The following TMC2 variants were observed in gnomAD, a reference collection of about 807,000 sequenced individuals.
TMC2 encodes the protein transmembrane channel like 2, also known as transmembrane channel-like protein 2.
TMC2 carries 102 observed loss-of-function variants against 105.9 expected under a neutral mutation model. The ratio of observed to expected loss-of-function variants is 0.96; its 90% CI spans 0.82 to 1.14. The LOEUF is 1.14. Ranked by LOEUF, TMC2 falls within the 50% of genes most tolerant of loss-of-function variation. TMC2 has a pLI of 0.00. For synonymous variants in TMC2, 402 were observed against 422.8 expected (o/e 0.95, Z 0.60); for missense variants, 1,093 against 1,134.3 (o/e 0.96, Z 0.52).
At chr20:2,540,201 A>G (rs1286113497) in intron 2 of TMC2, among the ~76,000 whole-genome samples, 1 of 151,236 alleles carries the variant, frequency 6.6e-6, no homozygotes, top group Admixed American at 6.6e-5. Flanking sequence ...CATCTTGGCC[A>G]GGCTGGTCTC....
At chr20:2,575,492 T>A (rs2122864911) in intron 5 of TMC2, among the ~76,000 whole-genome samples, 1 of 152,364 alleles carries the variant, frequency 6.6e-6, no homozygotes, top group African/African-American at 2.4e-5. Flanking sequence ...TAGGTTATTA[T>A]TCTTTCTTTA....
At chr20:2,591,761 G>GAAAAGA (rs1568516481) in intron 7 of TMC2, among the ~76,000 whole-genome samples, 1 of 151,454 alleles carries the variant, frequency 6.6e-6, no homozygotes, top group Admixed American at 6.6e-5. Flanking sequence ...AAAAGAAAAG[G>GAAAAGA]AAAGGAAAAG....
intron 17 of TMC2, among the ~76,000 whole-genome samples, chr20:2,635,012 G>A (rs1423597772): frequency 6.6e-6 from 1 of 152,224 alleles, no homozygotes; most frequent in Non-Finnish European, 1.5e-5. Context: ...GACCAAAGCT[G>A]GAGCAGCTGA....
At position 2,579,240 on chromosome 20, in the gene TMC2, G is replaced by A; in HGVS notation, c.727+13G>A. ...AAGGACATTGAAAGTGAGTATGCTG[G>A]TGTCACTGTTTTTTTAATTGGTTTC... On this transcript the variant is annotated intron_variant, in intron 6 of 19. Transcript: ENST00000358864. 3 of 1,527,632 alleles carry A rather than the reference G, an allele frequency of 2.0e-6. No individual in the cohort carries two copies. The highest frequency in any genetic ancestry group is 1.1e-5 in the South Asian group (1 of 89,330). 94.6% of individuals were successfully genotyped at this position (1,527,632 alleles called of 1,614,324 possible).
chr20:2,561,717 T>C lies in TMC2; in HGVS notation c.402-141T>C, dbSNP rs1201233272. ...TACAGGGTAGAATTTTGGCCTCCGC[T>C]GCCAGGCAATGGGAGTCACTAATGG... On this transcript the variant is annotated intron_variant, in intron 3 of 19. Coordinates refer to ENST00000358864, the MANE Select transcript of TMC2 (RefSeq NM_080751.3). The C allele has an allele frequency of 3.2e-5, 35 of 1,100,354 alleles. No homozygotes were observed. The South Asian group carries it at 4.4e-4, about 14-fold the overall frequency. The allele number at this position is 1,100,354 out of a possible 1,614,324, so 68.2% of individuals were successfully genotyped here. A position where few individuals can be genotyped will look rare whatever the true frequency, so the allele number is the denominator to read the frequency against.
chr20:2,612,401 T>C, intron 13 of TMC2, 61 bp downstream of exon 13: 2 of 1,391,750 alleles, frequency 1.4e-6, no homozygotes, highest in Middle Eastern at 2.1e-4. Flanking sequence ...TATTCCCTCC[T>C]TGATGTTTCC....
intron 4 of TMC2, 130 bp from the exon 5 acceptor site, chr20:2,572,049 T>C (rs1600106474): frequency 7.0e-6 from 5 of 715,420 alleles, no homozygotes; most frequent in South Asian, 1.8e-5. Context: ...CGTGCCTTCA[T>C]GGAATTTATA....
intron 1 of TMC2, 32 bp from the exon 2 acceptor site, chr20:2,537,237 C>T: frequency 6.3e-7 from 1 of 1,585,662 alleles, no homozygotes; most frequent in Non-Finnish European, 8.6e-7. Context: ...CACCAGAGGC[C>T]AGCCATTTGT....
intron 10 of TMC2, 62 bp from the exon 11 acceptor site, chr20:2,602,051 A>G: frequency 8.0e-7 from 1 of 1,254,422 alleles, no homozygotes; most frequent in Non-Finnish European, 1.1e-6. Context: ...CAGGGACCCA[A>G]CAGCCATGGT....
intron 10 of TMC2, among the ~76,000 whole-genome samples, chr20:2,598,642 A>T (rs897738024): frequency 2.0e-5 from 3 of 151,952 alleles, no homozygotes; most frequent in African/African-American, 7.3e-5. Context: ...TCCTGACCTC[A>T]AGTGATCTGC....
At position 2,536,779 on chromosome 20, in the gene TMC2, T is replaced by A. The variant is rs115157035; in HGVS notation, c.34+124T>A. On this transcript the variant is annotated intron_variant, in intron 1 of 19. Transcript: ENST00000358864. ...GAGCTGGGTTTGAGTCCAGGGCCTG[T>A]CCCCTGTGCGCTGAGCGACCTCGGC... is the stretch of plus-strand genomic sequence containing the variant. 4.0e-3 allele frequency: 4,184 copies of A among 1,042,022 alleles called. 112 individuals carry two copies. The African/African-American group carries it at 0.052, about 13-fold the overall frequency. The allele number at this position is 1,042,022 out of a possible 1,614,324, so 64.5% of individuals were successfully genotyped here.
At position 2,637,557 on chromosome 20, in the gene TMC2, C is replaced by T. The variant is rs1056392468; in HGVS notation, c.2469C>T (p.Ser823=). ...CAGAGGACACACCTAAAAGCAGCTCCAAAAATGCCACCCAGCTCCAACTCA... is the reference window on the plus strand; with the variant it reads ...CAGAGGACACACCTAAAAGCAGCTCTAAAAATGCCACCCAGCTCCAACTCA... ...RDSEDTPKSS[S]KNATQLQLTK... Residue 823 remains serine (S), a synonymous_variant, in exon 19 of 20, where the codon TCC becomes TCT. Coordinates refer to ENST00000358864, the MANE Select transcript of TMC2 (RefSeq NM_080751.3). The T allele has an allele frequency of 2.5e-5, 41 of 1,613,788 alleles. No individual in the cohort carries two copies. The highest frequency in any genetic ancestry group is 3.5e-5 in the Non-Finnish European group (41 of 1,179,928).
intron 9 of TMC2, 37 bp from the exon 10 acceptor site, chr20:2,597,114 G>T: frequency 6.3e-7 from 1 of 1,591,390 alleles, no homozygotes; most frequent in South Asian, 1.1e-5. Flanking sequence ...ACAGCAGAAA[G>T]AGGGCAGACG....
intron 7 of TMC2, among the ~76,000 whole-genome samples, chr20:2,584,375 C>T (rs1161493920): frequency 1.4e-4 from 19 of 138,222 alleles, no homozygotes; most frequent in South Asian, 4.4e-4. Flanking sequence ...ACCCGGGAGG[C>T]GGAGCTTGCA....
At chr20:2,589,562 T>C (rs6115073) in intron 7 of TMC2, among the ~76,000 whole-genome samples, 33,396 of 151,954 alleles carry the variant, frequency 0.22, 3,982 homozygotes, top group African/African-American at 0.31. Flanking sequence ...AATTTCTTTA[T>C]CTCCTGGATC....
intron 8 of TMC2, among the ~76,000 whole-genome samples, chr20:2,593,853 T>C (rs1176530183): frequency 1.3e-5 from 2 of 152,178 alleles, no homozygotes; most frequent in Non-Finnish European, 2.9e-5. Context: ...GTGTTCTTAA[T>C]TGGGTTTACA....
In TMC2 at chr20:2,597,211, C is replaced by T. The variant is rs2086314816; in HGVS notation, c.1137C>T (p.Ser379=). The T allele has an allele frequency of 6.2e-7, 1 of 1,614,114 alleles. No homozygotes were observed. Among genetic ancestry groups the T allele is most frequent in the Non-Finnish European group, 8.5e-7 (1 of 1,180,004 alleles). Reference sequence around the variant, plus strand: ...GGGAGAGTGACAACTTCACATTCAGCTTCAAGATGTTCACCAGCTGGGACT... The same window carrying T: ...GGGAGAGTGACAACTTCACATTCAGTTTCAAGATGTTCACCAGCTGGGACT... ...GEGESDNFTF[S]FKMFTSWDYL... The change falls in exon 10 of 20, where the codon AGC becomes AGT. Residue 379 remains serine (S), a synonymous_variant. Transcript: ENST00000358864.
chr20:2,585,232 T>C (rs184262064), intron 7 of TMC2, among the ~76,000 whole-genome samples: 6 of 152,342 alleles, frequency 3.9e-5, no homozygotes, highest in Non-Finnish European at 7.3e-5. Context: ...TAGTTTGTTA[T>C]CCATTCACCA....
rs145418421 is a variant in TMC2 at position 2,562,065 on chromosome 20, G to A, written c.554+55G>A. The A allele has an allele frequency of 3.2e-6, 5 of 1,561,790 alleles. No homozygotes were observed. In the African/African-American group the frequency reaches 4.1e-5, roughly 13 times the overall value. ...TCCGATGTCCACAGCTCCTTCTGAT[G>A]GGAATGGGAGCCCTCCCTCCACATT... On this transcript the variant is annotated intron_variant, in intron 4 of 19. Coordinates refer to ENST00000358864, the MANE Select transcript of TMC2 (RefSeq NM_080751.3).
Sources: allele counts gnomAD v4.1 joint callset (sites outside exome capture counted in the v4.1 genomes callset), GRCh38; gene constraint gnomAD v4.1.1; transcripts MANE v1.5; gene names NCBI Gene and HGNC (gene_info 2026-07-23, HGNC 2026-07-21).